Variants in ENAH observed in about 807,000 individuals in gnomAD.
ENAH encodes protein enabled homolog.
A neutral mutation model predicts 78.7 loss-of-function variants in ENAH; 23 were observed. That is an observed-to-expected ratio of 0.29 (90% CI 0.21 to 0.41). The LOEUF is 0.41. ENAH is among the 10% of genes least tolerant of loss of function. ENAH has a pLI of 1.00. For synonymous variants in ENAH, 226 were observed against 241.0 expected (o/e 0.94, Z 0.58); for missense variants, 544 against 691.0 (o/e 0.79, Z 2.39).
chr1:225,522,558 T>C (rs2096477861), intron 4 of ENAH, among the ~76,000 whole-genome samples: 1 of 152,048 alleles, frequency 6.6e-6, no homozygotes, highest in African/African-American at 2.4e-5. Context: ...ACAATAACTT[T>C]ATCTGCAGGG....
At chr1:225,610,950 C>A (rs1459663620) in intron 1 of ENAH, among the ~76,000 whole-genome samples, 1 of 152,138 alleles carries the variant, frequency 6.6e-6, no homozygotes, top group Non-Finnish European at 1.5e-5. Flanking sequence ...AGATGAACGG[C>A]ACAGATCTAA....
In ENAH at chr1:225,584,258, A is replaced by G. The variant is rs540542670; in HGVS notation, c.6-16844T>C. 5.6e-4 allele frequency among the ~76,000 whole-genome samples: 85 copies of G among 152,372 alleles called. No homozygotes were observed. In the South Asian group the frequency reaches 0.017, roughly 30 times the overall value. On this transcript the variant is annotated intron_variant, in intron 1 of 13. Transcript: ENST00000366843. ...AAGTTTCAAATTATGCAGATAGGAT[A>G]TATCAGACAAATACAGCAAAACAAA...
intron 1 of ENAH, among the ~76,000 whole-genome samples, chr1:225,592,103 C>T (rs780960310): frequency 1.3e-5 from 2 of 152,100 alleles, no homozygotes; most frequent in African/African-American, 4.8e-5. Context: ...AGGTACTCAG[C>T]GATGTTACTC....
intron 1 of ENAH, among the ~76,000 whole-genome samples, chr1:225,643,398 A>T (rs1003867317): frequency 1.5e-5 from 2 of 137,518 alleles, no homozygotes; most frequent in Non-Finnish European, 3.4e-5. Context: ...AACAAAAAAT[A>T]AAAAAAAAAA....
At chr1:225,517,895 T>C (rs764878806) in intron 5 of ENAH, 17 of 1,550,970 alleles carry the variant, frequency 1.1e-5, no homozygotes, top group African/African-American at 1.4e-5. Flanking sequence ...GGAGCTGAGA[T>C]GACTTTAGCG....
chr1:225,508,114 A>C, intron 10 of ENAH, 97 bp from the exon 11 acceptor site: 4 of 646,242 alleles, frequency 6.2e-6, no homozygotes, highest in Non-Finnish European at 9.6e-6. Context: ...ATACCTGTTT[A>C]CATAGTAGTA....
At chr1:225,606,564 T>C (rs1266074768) in intron 1 of ENAH, among the ~76,000 whole-genome samples, 1 of 152,116 alleles carries the variant, frequency 6.6e-6, no homozygotes, top group Non-Finnish European at 1.5e-5. Flanking sequence ...AAGTCAACTT[T>C]TGGCCAGATG....
chr1:225,601,386 C>G (rs911425238), intron 1 of ENAH, among the ~76,000 whole-genome samples: 8 of 151,868 alleles, frequency 5.3e-5, no homozygotes, highest in Non-Finnish European at 1.0e-4. Flanking sequence ...GGTGTGGTGG[C>G]GGACGCATGT....
rs1315231633 is a variant in ENAH, at chr1:225,512,640, T to G, written c.1422+17A>C. 2 of 1,608,798 alleles carry G rather than the reference T, an allele frequency of 1.2e-6. No individual in the cohort carries two copies. Among genetic ancestry groups the G allele is most frequent in the Admixed American group, 1.7e-5 (1 of 59,502 alleles). On this transcript the variant is annotated intron_variant, in intron 9 of 13. Coordinates refer to ENST00000366843, the MANE Select transcript of ENAH (RefSeq NM_018212.6). ...TTCCATATTTTAAGGTATGGTAGAC[T>G]ATCTTTATTAACTTACACCTTTGTC...
At chr1:225,501,701 G>A (rs557637597) in intron 11 of ENAH, among the ~76,000 whole-genome samples, 7 of 152,214 alleles carry the variant, frequency 4.6e-5, no homozygotes, top group East Asian at 1.9e-4. Context: ...TTATGGAGAC[G>A]TCATTTGAAT....
chr1:225,594,918 T>G (rs1053951041), intron 1 of ENAH, among the ~76,000 whole-genome samples: 2 of 152,078 alleles, frequency 1.3e-5, no homozygotes, highest in African/African-American at 4.8e-5. Context: ...ATTAATACAA[T>G]CAAGAAAAAA....
chr1:225,589,222 T>A (rs2096863293), intron 1 of ENAH, among the ~76,000 whole-genome samples: 1 of 152,154 alleles, frequency 6.6e-6, no homozygotes, highest in African/African-American at 2.4e-5. Context: ...CATTCTGTAA[T>A]CTTGAAAGGA....
chr1:225,644,270 G>T (rs75851674), intron 1 of ENAH, among the ~76,000 whole-genome samples: 4,867 of 151,996 alleles, frequency 0.032, 98 homozygotes, highest in East Asian at 0.072. Flanking sequence ...AAAAAATACT[G>T]ACCAGACATA....
intron 4 of ENAH, among the ~76,000 whole-genome samples, chr1:225,521,177 T>C (rs1353588757): frequency 6.6e-6 from 1 of 152,178 alleles, no homozygotes; most frequent in South Asian, 2.1e-4. Flanking sequence ...CAGTAGGATA[T>C]TAAGTTATCC....
intron 1 of ENAH, among the ~76,000 whole-genome samples, chr1:225,577,306 T>C (rs1445076916): frequency 6.6e-6 from 1 of 152,080 alleles, no homozygotes; most frequent in Non-Finnish European, 1.5e-5. Context: ...AGAAAAAATC[T>C]TGCTAAGAAT....
intron 3 of ENAH, among the ~76,000 whole-genome samples, chr1:225,537,288 C>T (rs1486439357): frequency 6.6e-6 from 1 of 152,130 alleles, no homozygotes; most frequent in African/African-American, 2.4e-5. Flanking sequence ...ATTATTGCTG[C>T]GTAAGACAAA....
chr1:225,643,363 T>C (rs1044738071), intron 1 of ENAH, among the ~76,000 whole-genome samples: 13 of 150,908 alleles, frequency 8.6e-5, no homozygotes, highest in African/African-American at 2.2e-4. Context: ...AGGACAATGA[T>C]AGACTGGATA....
chr1:225,552,329 A>G (rs998305862), intron 3 of ENAH, among the ~76,000 whole-genome samples: 2 of 151,614 alleles, frequency 1.3e-5, no homozygotes, highest in Non-Finnish European at 2.9e-5. Flanking sequence ...TAGTAGAGAC[A>G]GGGTTTCACC....
chr1:225,514,793 G>C lies in ENAH; in HGVS notation c.1021C>G (p.Pro341Ala). The C allele has an allele frequency of 7.1e-7, 1 of 1,413,236 alleles. No homozygotes were observed. The highest frequency in any genetic ancestry group is 1.3e-5 in the South Asian group (1 of 79,966). The allele number at this position is 1,413,236 out of a possible 1,614,324, so 87.5% of individuals were successfully genotyped here. A position where few individuals can be genotyped will look rare whatever the true frequency, so the allele number is the denominator to read the frequency against. The part of the protein sequence containing the change: ...PPPPGPPPPP[P>A]LPSTGPPPPP... The stretch of plus-strand genomic sequence containing the variant: ...GGTGGAGGCCCGGTGGATGGGAGTG[G>C]AGGAGGTGGAGGGGGCCCTGGGGGA... The change falls in exon 7 of 14, where the codon CCA becomes GCA. Residue 341 changes from proline (P) to alanine (A), a missense_variant. Physicochemically the swap from Pro to Ala is conservative, Grantham distance 27 (BLOSUM62 -1). Around this residue, in one of 4 missense-constraint regions of ENAH, gnomAD observed 366 missense variants for 396.1 expected, o/e 0.92. Transcript: ENST00000366843.
Sources: allele counts gnomAD v4.1 joint callset (sites outside exome capture counted in the v4.1 genomes callset), GRCh38; gene constraint gnomAD v4.1.1; regional missense constraint gnomAD v4.1.1; transcripts MANE v1.5; gene names NCBI Gene and HGNC (gene_info 2026-07-23, HGNC 2026-07-21).